SNTG1: variants seen among roughly 807,000 people sequenced by gnomAD.
SNTG1 encodes gamma-1-syntrophin.
A neutral mutation model predicts 74.7 loss-of-function variants in SNTG1; 39 were observed. The ratio of observed to expected loss-of-function variants is 0.52; its 90% CI spans 0.40 to 0.68. The LOEUF is 0.68. Ranked by LOEUF, SNTG1 falls within the 30% of genes least tolerant of loss-of-function variation. The pLI is 0.00. For missense variants in SNTG1, 685 were observed against 609.5 expected, an observed-to-expected ratio of 1.12 and a Z score of -1.30; for synonymous variants, 254 against 217.1, an observed-to-expected ratio of 1.17 and a Z score of -1.49.
At chr8:50,202,114 A>G (rs949620631) in intron 2 of SNTG1, among the ~76,000 whole-genome samples, 1 of 152,038 alleles carries the variant, frequency 6.6e-6, no homozygotes, top group Non-Finnish European at 1.5e-5. Context: ...AACCCCATCA[A>G]TGAGGTTGTT....
chr8:50,127,681 T>C (rs781751580), intron 1 of SNTG1, among the ~76,000 whole-genome samples: 4 of 152,222 alleles, frequency 2.6e-5, no homozygotes, highest in Non-Finnish European at 4.4e-5. Context: ...GCTAGAATAA[T>C]TTTTAATAAT....
intron 1 of SNTG1, among the ~76,000 whole-genome samples, chr8:49,919,539 T>G (rs1806344555): frequency 1.3e-5 from 2 of 152,108 alleles, no homozygotes; most frequent in African/African-American, 4.8e-5. Context: ...TGGCTTGTTG[T>G]TTCTCTAAAA....
chr8:50,187,538 T>G (rs371045727), intron 2 of SNTG1, among the ~76,000 whole-genome samples: 3 of 152,292 alleles, frequency 2.0e-5, no homozygotes, highest in East Asian at 3.9e-4. Context: ...GTTAAATAGA[T>G]TATGTGCTTG....
At chr8:49,969,653 T>G (rs145430212) in intron 1 of SNTG1, among the ~76,000 whole-genome samples, 23 of 152,160 alleles carry the variant, frequency 1.5e-4, no homozygotes, top group Middle Eastern at 3.4e-3. Context: ...GGCCTCGTTC[T>G]CCCAAAGTGC....
At chr8:50,662,606 C>T (rs1262698668) in intron 15 of SNTG1, among the ~76,000 whole-genome samples, 1 of 152,168 alleles carries the variant, frequency 6.6e-6, no homozygotes, top group Non-Finnish European at 1.5e-5. Context: ...TGTGCTCTTG[C>T]ACATGATACT....
intron 9 of SNTG1, among the ~76,000 whole-genome samples, chr8:50,522,615 G>A (rs2094189018): frequency 1.6e-5 from 2 of 127,628 alleles, no homozygotes; most frequent in South Asian, 4.9e-4. Flanking sequence ...GTCTCGTTCT[G>A]TCACCCAGGC....
intron 9 of SNTG1, among the ~76,000 whole-genome samples, chr8:50,529,811 G>C (rs1251839362): frequency 6.6e-6 from 1 of 152,046 alleles, no homozygotes; most frequent in African/African-American, 2.4e-5. Context: ...GTTGAAATAT[G>C]ACATTAAATA....
chr8:50,224,978 T>C (rs2085253055), intron 2 of SNTG1, among the ~76,000 whole-genome samples: 1 of 152,110 alleles, frequency 6.6e-6, no homozygotes, highest in Non-Finnish European at 1.5e-5. Flanking sequence ...TTTTTATTTT[T>C]ATTTTTTTTT....
chr8:50,663,400 G>A (rs1205470586), intron 15 of SNTG1, among the ~76,000 whole-genome samples: 1 of 152,172 alleles, frequency 6.6e-6, no homozygotes, highest in Non-Finnish European at 1.5e-5. Context: ...AGATGGAGAT[G>A]AAGGGGCCAG....
At chr8:50,502,182 T>G (rs2093965513) in intron 8 of SNTG1, among the ~76,000 whole-genome samples, 1 of 152,268 alleles carries the variant, frequency 6.6e-6, no homozygotes, top group South Asian at 2.1e-4. Context: ...ATAACAGGTT[T>G]GCAGGGGAAA....
intron 5 of SNTG1, 33 bp downstream of exon 5, chr8:50,438,632 G>A (rs1329272839): frequency 1.3e-6 from 2 of 1,566,910 alleles, no homozygotes; most frequent in Non-Finnish European, 1.8e-6. Flanking sequence ...CCTTACAAAG[G>A]CCATGCCATA....
intron 2 of SNTG1, among the ~76,000 whole-genome samples, chr8:50,259,833 A>T (rs2087092306): frequency 6.6e-6 from 1 of 152,188 alleles, no homozygotes; most frequent in African/African-American, 2.4e-5. Flanking sequence ...AATGCAGATG[A>T]ATCACAATTT....
chr8:50,165,047 T>A (rs973529684), intron 1 of SNTG1, among the ~76,000 whole-genome samples: 8 of 152,132 alleles, frequency 5.3e-5, no homozygotes, highest in Admixed American at 5.2e-4. Context: ...TAATCTTTCA[T>A]CTCCCACACA....
At chr8:50,302,449 A>G (rs978774133) in intron 2 of SNTG1, among the ~76,000 whole-genome samples, 1 of 152,054 alleles carries the variant, frequency 6.6e-6, no homozygotes, top group Non-Finnish European at 1.5e-5. Flanking sequence ...CAGAATCAAG[A>G]CTGCCACCTT....
intron 10 of SNTG1, among the ~76,000 whole-genome samples, chr8:50,532,284 T>C (rs2094275052): frequency 6.6e-6 from 1 of 152,170 alleles, no homozygotes; most frequent in Admixed American, 6.5e-5. Context: ...AAAATCTCAA[T>C]GCATATCAAT....
intron 15 of SNTG1, among the ~76,000 whole-genome samples, chr8:50,703,147 C>A (rs1380946703): frequency 1.3e-5 from 2 of 152,122 alleles, no homozygotes; most frequent in Admixed American, 6.5e-5. Flanking sequence ...CTAAGCTTAG[C>A]TTACTGTAAC....
At chr8:50,510,751 C>G (rs1031394252) in intron 9 of SNTG1, among the ~76,000 whole-genome samples, 1 of 152,150 alleles carries the variant, frequency 6.6e-6, no homozygotes, top group Non-Finnish European at 1.5e-5. Context: ...TCTGTGGGAT[C>G]GGTGGTGATA....
intron 1 of SNTG1, among the ~76,000 whole-genome samples, chr8:50,023,142 CAG>C (rs1816969350): frequency 6.6e-6 from 1 of 152,178 alleles, no homozygotes; most frequent in Admixed American, 6.5e-5. Flanking sequence ...TCTGGAAGAA[CAG>C]AGTTTGTTTG....
chr8:50,187,510 A>C (rs568147985), intron 2 of SNTG1, among the ~76,000 whole-genome samples: 1 of 152,314 alleles, frequency 6.6e-6, no homozygotes, highest in Admixed American at 6.5e-5. Flanking sequence ...ATTTTTGTTT[A>C]ACTTTTACAG....
Sources: gnomAD v4.1 joint callset for allele counts (sites outside exome capture counted in the v4.1 genomes callset) on GRCh38, gnomAD v4.1.1 for gene constraint, MANE v1.5 for transcripts, NCBI Gene and HGNC (gene_info 2026-07-23, HGNC 2026-07-21) for gene names.